MIR2052HG: variants seen among roughly 807,000 people sequenced by gnomAD.
The protein encoded by MIR2052HG is MIR2052 host gene.
At chr8:74,729,278 G>T (rs1303156345) in intron 4 of MIR2052HG, among the ~76,000 whole-genome samples, 1 of 152,084 alleles carries the variant, frequency 6.6e-6, no homozygotes, top group Non-Finnish European at 1.5e-5. Context: ...GCAAAAGTTA[G>T]ACAGGAAAGG....
chr8:74,607,971 T>C (rs1256997901), intron 1 of MIR2052HG, among the ~76,000 whole-genome samples: 3 of 152,208 alleles, frequency 2.0e-5, no homozygotes, highest in African/African-American at 4.8e-5. Flanking sequence ...CCTTATCTAT[T>C]GGGCAGTTGA....
chr8:74,660,819 A>C (rs1304185006), intron 2 of MIR2052HG, among the ~76,000 whole-genome samples: 1 of 79,332 alleles, frequency 1.3e-5, no homozygotes, highest in Non-Finnish European at 2.3e-5. Context: ...TATTCCATAA[A>C]AAAGTAATCT....
chr8:74,675,635 A>C (rs1160704847), intron 2 of MIR2052HG, among the ~76,000 whole-genome samples: 2 of 151,994 alleles, frequency 1.3e-5, no homozygotes, highest in African/African-American at 4.8e-5. Flanking sequence ...AATTACTCCA[A>C]GTGGGGTCAT....
At chr8:74,631,409 A>T (rs765393695) in intron 2 of MIR2052HG, among the ~76,000 whole-genome samples, 1 of 152,194 alleles carries the variant, frequency 6.6e-6, no homozygotes. Context: ...CTTTTTTCTG[A>T]AAGCTTTGAG....
At chr8:74,658,212 C>T (rs1484567530) in intron 2 of MIR2052HG, among the ~76,000 whole-genome samples, 1 of 152,126 alleles carries the variant, frequency 6.6e-6, no homozygotes, top group Non-Finnish European at 1.5e-5. Flanking sequence ...TCTCCATCTG[C>T]CAGCATTCCC....
intron 2 of MIR2052HG, among the ~76,000 whole-genome samples, chr8:74,656,436 C>T (rs1284309939): frequency 6.6e-6 from 1 of 152,116 alleles, no homozygotes. Flanking sequence ...GCCAGTCTTT[C>T]CTGTACTATT....
Position 74,695,722 on chromosome 8 carries a change from T to C in MIR2052HG, n.217-6657T>C, listed in dbSNP as rs372481003. Among the ~76,000 whole-genome samples, 4 of 152,064 alleles carry C rather than the reference T, an allele frequency of 2.6e-5. No individual in the cohort carries two copies. In the South Asian group the frequency reaches 8.3e-4, roughly 32 times the overall value. ...CAGTTAAAAAAGACAAAGAAAGATA[T>C]TATGTACTGATAAAAGTCATTATAT... On this transcript the variant is annotated intron_variant and non_coding_transcript_variant, in intron 2 of 6. Coordinates refer to ENST00000523442, the Ensembl canonical transcript of MIR2052HG.
At chr8:74,630,492 T>C (rs1808493933) in intron 2 of MIR2052HG, among the ~76,000 whole-genome samples, 1 of 135,708 alleles carries the variant, frequency 7.4e-6, no homozygotes, top group African/African-American at 2.8e-5. Context: ...GGAAAGAATC[T>C]TCAGAAAAAG....
intron 5 of MIR2052HG, chr8:74,757,775 GCTTGGGTGCAAGGTTATT>G (rs1810020545): frequency 6.6e-6 from 1 of 152,050 alleles, no homozygotes; most frequent in African/African-American, 2.4e-5. Flanking sequence ...CCTACTCCTT[GCTTGGGTGCAAGGTTATT>G]TCTGCTTGTT....
chr8:74,722,476 T>A (rs1469562592), intron 4 of MIR2052HG, among the ~76,000 whole-genome samples: 2 of 152,210 alleles, frequency 1.3e-5, no homozygotes, highest in Non-Finnish European at 2.9e-5. Context: ...GCAGAATATA[T>A]CACTGACTAT....
chr8:74,617,984 C>T lies in MIR2052HG; in HGVS notation n.216+5044C>T, dbSNP rs187031718. Among the ~76,000 whole-genome samples, 355 of 152,272 alleles carry T rather than the reference C, an allele frequency of 2.3e-3. 2 individuals are homozygous for T. The highest frequency in any genetic ancestry group is 7.7e-3 in the African/African-American group (322 of 41,562). On this transcript the variant is annotated intron_variant and non_coding_transcript_variant, in intron 2 of 6. Coordinates refer to ENST00000523442, the Ensembl canonical transcript of MIR2052HG. ...TGGATACAATTCTTGATTCTTCTAC[C>T]TTTCTGGCTGTTTCTTCTCAGTCTC... is the stretch of plus-strand genomic sequence containing the variant.
chr8:74,665,699 G>A (rs1808915596), intron 2 of MIR2052HG, among the ~76,000 whole-genome samples: 1 of 151,718 alleles, frequency 6.6e-6, no homozygotes, highest in Admixed American at 6.6e-5. Context: ...AATACTTCAG[G>A]CCATATTGCC....
At chr8:74,726,931 A>G (rs1449787915) in intron 4 of MIR2052HG, among the ~76,000 whole-genome samples, 1 of 152,200 alleles carries the variant, frequency 6.6e-6, no homozygotes, top group African/African-American at 2.4e-5. Flanking sequence ...TTTGGAAGAA[A>G]CTGGCTTTCC....
At chr8:74,648,986 A>C (rs983440819) in intron 2 of MIR2052HG, among the ~76,000 whole-genome samples, 2 of 152,132 alleles carry the variant, frequency 1.3e-5, no homozygotes, top group Non-Finnish European at 2.9e-5. Flanking sequence ...TAGTGGGGAC[A>C]TCTGGATCTC....
At chr8:74,723,801 A>G (rs1308226410) in intron 4 of MIR2052HG, among the ~76,000 whole-genome samples, 1 of 152,184 alleles carries the variant, frequency 6.6e-6, no homozygotes, top group Non-Finnish European at 1.5e-5. Context: ...ATGTAAGTCA[A>G]AACTGGGGTC....
intron 2 of MIR2052HG, among the ~76,000 whole-genome samples, chr8:74,662,740 A>G (rs907917756): frequency 1.3e-5 from 2 of 152,056 alleles, no homozygotes; most frequent in African/African-American, 4.8e-5. Flanking sequence ...GAATGAGCTT[A>G]TTATAGCGGT....
intron 5 of MIR2052HG, among the ~76,000 whole-genome samples, chr8:74,755,450 G>T (rs976464893): frequency 2.6e-5 from 4 of 152,184 alleles, no homozygotes; most frequent in Admixed American, 2.6e-4. Context: ...CATTGGTTCT[G>T]GGAAAGTCAT....
chr8:74,681,230 C>A (rs1396850934), intron 2 of MIR2052HG, among the ~76,000 whole-genome samples: 1 of 151,374 alleles, frequency 6.6e-6, no homozygotes, highest in Non-Finnish European at 1.5e-5. Context: ...AAAAAAAAGA[C>A]ACAATGTCAC....
intron 4 of MIR2052HG, among the ~76,000 whole-genome samples, chr8:74,719,668 G>GA (rs942276362): frequency 2.0e-5 from 3 of 149,512 alleles, no homozygotes; most frequent in South Asian, 2.1e-4. Context: ...GGTCATCATG[G>GA]AAAAAAAAAT....
Sources: gnomAD v4.1 joint callset for allele counts (sites outside exome capture counted in the v4.1 genomes callset) on GRCh38, gnomAD v4.1.1 for gene constraint, MANE v1.5 for transcripts, NCBI Gene and HGNC (gene_info 2026-07-23, HGNC 2026-07-21) for gene names.